Variants in ETFA observed in about 807,000 individuals in gnomAD.
ETFA encodes electron transfer flavoprotein subunit alpha, also known as electron transfer flavoprotein subunit alpha, mitochondrial.
In ETFA, 22 loss-of-function variants were observed where a neutral mutation model predicts 46.2. The observed-to-expected ratio is 0.48, with a 90% confidence interval of 0.34 to 0.68. ETFA has a LOEUF of 0.68. ETFA is among the 30% of genes least tolerant of loss of function. The pLI is 0.01. For missense variants in ETFA, 345 were observed against 401.1 expected (o/e 0.86, Z 1.19); for synonymous variants, 131 against 139.9 (o/e 0.94, Z 0.45).
At position 76,259,754 on chromosome 15, in the gene ETFA, C is replaced by T. The variant is rs564082496; in HGVS notation, c.816+14658G>A. On this transcript the variant is annotated intron_variant, in intron 9 of 11. Coordinates refer to ENST00000557943, the MANE Select transcript of ETFA (RefSeq NM_000126.4). Reference sequence around the variant, plus strand: ...CATGCAGTTCCGAGCGGCCAGGTCTCGGTGGATGAAGTTCCGAGAGCTCAG... The same window carrying T: ...CATGCAGTTCCGAGCGGCCAGGTCTTGGTGGATGAAGTTCCGAGAGCTCAG... 1.7e-5 allele frequency: 27 copies of T among 1,599,448 alleles called. No homozygotes were observed. In the African/African-American group the frequency reaches 2.0e-4, roughly 12 times the overall value.
At chr15:76,260,656 A>C in intron 9 of ETFA, 2 of 1,565,370 alleles carry the variant, frequency 1.3e-6, no homozygotes, top group South Asian at 2.2e-5. Flanking sequence ...GGGCCTTCCA[A>C]AGGGCCCTCG....
intron 4 of ETFA, among the ~76,000 whole-genome samples, chr15:76,290,030 A>G (rs2039743864): frequency 6.6e-6 from 1 of 152,232 alleles, no homozygotes; most frequent in Non-Finnish European, 1.5e-5. Context: ...CGGTCCACAA[A>G]GATTATTTCA....
chr15:76,251,098 G>T (rs867694077), intron 9 of ETFA, among the ~76,000 whole-genome samples: 32 of 152,138 alleles, frequency 2.1e-4, no homozygotes, highest in Admixed American at 2.6e-4. Flanking sequence ...CAAGAGAGGT[G>T]AAAGGGGCAG....
Position 76,216,398 on chromosome 15 carries a change from C to T in ETFA, c.*161G>A, listed in dbSNP as rs2038896267. On this transcript the variant is annotated 3_prime_UTR_variant, in exon 12 of 12. Transcript: ENST00000557943. ...CACAAATAATTAAAAGGAAACACAGCAATCCCATAAACAAGCATTCTGGCA... is the reference window on the plus strand; with the variant it reads ...CACAAATAATTAAAAGGAAACACAGTAATCCCATAAACAAGCATTCTGGCA... 1.7e-6 allele frequency: 1 copy of T among 598,828 alleles called. No individual in the cohort carries two copies. The highest frequency in any genetic ancestry group is 2.1e-5 in the South Asian group (1 of 48,430). The allele number at this position is 598,828 out of a possible 1,614,324, so 37.1% of individuals were successfully genotyped here.
At chr15:76,262,312 C>A (rs1393835559) in intron 9 of ETFA, among the ~76,000 whole-genome samples, 1 of 151,016 alleles carries the variant, frequency 6.6e-6, no homozygotes, top group Admixed American at 6.6e-5. Flanking sequence ...TAACTAGAGT[C>A]CCAGAACAAA....
intron 8 of ETFA, among the ~76,000 whole-genome samples, chr15:76,277,153 CTG>C (rs1274412371): frequency 1.3e-5 from 2 of 152,172 alleles, no homozygotes; most frequent in African/African-American, 4.8e-5. Context: ...CATATTGAGA[CTG>C]TGAACTTTAC....
intron 9 of ETFA, among the ~76,000 whole-genome samples, chr15:76,262,957 A>G (rs2039431522): frequency 6.6e-6 from 1 of 152,222 alleles, no homozygotes; most frequent in Admixed American, 6.5e-5. Context: ...TCTATACCTA[A>G]GAATAGATGT....
At chr15:76,219,696 G>A (rs949048004) in intron 11 of ETFA, among the ~76,000 whole-genome samples, 8 of 152,230 alleles carry the variant, frequency 5.3e-5, no homozygotes, top group African/African-American at 1.9e-4. Flanking sequence ...AGAGATATAC[G>A]AGTGGCCAAT....
intron 1 of ETFA, among the ~76,000 whole-genome samples, chr15:76,308,975 G>A (rs536786544): frequency 6.6e-6 from 1 of 152,288 alleles, no homozygotes; most frequent in South Asian, 2.1e-4. Context: ...ACCAGGGGAA[G>A]GGTTTTGAGA....
At position 76,292,406 on chromosome 15, in the gene ETFA, G is replaced by A. The variant is rs4392021; in HGVS notation, c.351+25C>T. ...CTAACCCTTTCAAGCAGTGATATCA[G>A]ATTCCACATTCTCAACCTTCTCACC... On this transcript the variant is annotated intron_variant, in intron 4 of 11. Transcript: ENST00000557943. 2.1e-4 allele frequency: 325 copies of A among 1,512,238 alleles called. 1 individual carries two copies. In the African/African-American group the frequency reaches 2.7e-3, roughly 12 times the overall value. The allele number at this position is 1,512,238 out of a possible 1,614,324, so 93.7% of individuals were successfully genotyped here.
chr15:76,223,058 C>T (rs1309335835), intron 11 of ETFA, among the ~76,000 whole-genome samples: 3 of 152,070 alleles, frequency 2.0e-5, no homozygotes, highest in Non-Finnish European at 4.4e-5. Flanking sequence ...TGGTCTCCTA[C>T]TCCTGGACTC....
intron 8 of ETFA, among the ~76,000 whole-genome samples, chr15:76,275,931 ATAAG>A (rs771092625): frequency 1.7e-4 from 26 of 152,350 alleles, no homozygotes; most frequent in East Asian, 3.9e-4. Flanking sequence ...ACATGAGCAC[ATAAG>A]TAATTGTAAT....
chr15:76,241,748 G>C (rs2039192771), intron 9 of ETFA, among the ~76,000 whole-genome samples: 3 of 126,980 alleles, frequency 2.4e-5, no homozygotes, highest in Non-Finnish European at 3.1e-5. Context: ...CTGGCAGTGA[G>C]CCAAGATCAC....
At chr15:76,243,819 AC>A (rs775224890) in intron 9 of ETFA, among the ~76,000 whole-genome samples, 55 of 106,664 alleles carry the variant, frequency 5.2e-4, no homozygotes, top group Non-Finnish European at 7.4e-4. Flanking sequence ...AAACAAACAA[AC>A]AAAAAAAAAA....
intron 9 of ETFA, among the ~76,000 whole-genome samples, chr15:76,247,792 A>C (rs2039258205): frequency 6.6e-6 from 1 of 152,266 alleles, no homozygotes. Flanking sequence ...ATAAGTGTTA[A>C]GTAACTGGTG....
intron 11 of ETFA, among the ~76,000 whole-genome samples, chr15:76,224,846 C>T (rs979352367): frequency 3.3e-5 from 5 of 152,118 alleles, no homozygotes; most frequent in Admixed American, 1.3e-4. Flanking sequence ...GACCAGGCCA[C>T]GCATGAGTCA....
At chr15:76,275,445 T>C (rs1176137224) in intron 8 of ETFA, among the ~76,000 whole-genome samples, 1 of 152,238 alleles carries the variant, frequency 6.6e-6, no homozygotes, top group Non-Finnish European at 1.5e-5. Context: ...AGCATCACCA[T>C]GGTATATCTT....
At chr15:76,243,797 T>G (rs1215442520) in intron 9 of ETFA, among the ~76,000 whole-genome samples, 2 of 144,946 alleles carry the variant, frequency 1.4e-5, no homozygotes, top group African/African-American at 4.9e-5. Flanking sequence ...AGACTCTGTC[T>G]CAAAAAAACA....
intron 9 of ETFA, among the ~76,000 whole-genome samples, chr15:76,262,752 G>A (rs1391060272): frequency 6.6e-6 from 1 of 151,988 alleles, no homozygotes; most frequent in Non-Finnish European, 1.5e-5. Context: ...AAAGTGCTGG[G>A]TTACAGGCAT....
Sources: gnomAD v4.1 joint callset for allele counts (sites outside exome capture counted in the v4.1 genomes callset) on GRCh38, gnomAD v4.1.1 for gene constraint, MANE v1.5 for transcripts, NCBI Gene and HGNC (gene_info 2026-07-23, HGNC 2026-07-21) for gene names.